TBC1D4: variants seen among roughly 807,000 people sequenced by gnomAD.
TBC1D4 encodes the protein TBC (Tre-2, BUB2, CDC16) domain-containing protein.
Under a neutral mutation model 142.5 loss-of-function variants are expected in TBC1D4, and 121 were observed. That is an observed-to-expected ratio of 0.85 (90% CI 0.73 to 0.99). The LOEUF (loss-of-function observed/expected upper bound fraction) is 0.99, where lower values mean the gene tolerates loss of function less well. Ranked by LOEUF, TBC1D4 falls within the 50% of genes least tolerant of loss-of-function variation. TBC1D4 has a pLI of 0.00. For synonymous variants in TBC1D4, 630 were observed against 628.2 expected, an observed-to-expected ratio of 1.00 and a Z score of -0.04; for missense variants, 1,475 against 1,606.6, an observed-to-expected ratio of 0.92 and a Z score of 1.40.
chr13:75,289,165 A>G (rs1875003065), intron 19 of TBC1D4, 55 bp from the exon 20 acceptor site: 3 of 1,590,814 alleles, frequency 1.9e-6, no homozygotes, highest in Non-Finnish European at 2.6e-6. Context: ...AACAAGATAC[A>G]GCCTGTTTAT....
At chr13:75,461,122 G>A (rs1484398324) in intron 1 of TBC1D4, among the ~76,000 whole-genome samples, 1 of 152,122 alleles carries the variant, frequency 6.6e-6, no homozygotes, top group Non-Finnish European at 1.5e-5. Flanking sequence ...CATTATCACT[G>A]AAGCCACTCG....
chr13:75,436,239 G>A (rs770149617), intron 1 of TBC1D4, among the ~76,000 whole-genome samples: 5 of 152,078 alleles, frequency 3.3e-5, no homozygotes, highest in African/African-American at 9.7e-5. Context: ...ATGTGGAACC[G>A]TGAGTCCATT....
At chr13:75,296,060 C>T (rs1875886208) in intron 17 of TBC1D4, among the ~76,000 whole-genome samples, 1 of 150,596 alleles carries the variant, frequency 6.6e-6, no homozygotes, top group Non-Finnish European at 1.5e-5. Context: ...AAAAACTATG[C>T]AAAAATACAA....
At chr13:75,311,920 A>C (rs2137937071) in intron 13 of TBC1D4, among the ~76,000 whole-genome samples, 1 of 152,320 alleles carries the variant, frequency 6.6e-6, no homozygotes, top group African/African-American at 2.4e-5. Context: ...GGTCAAGCTT[A>C]TTTATTTGTG....
intron 1 of TBC1D4, among the ~76,000 whole-genome samples, chr13:75,381,583 C>A (rs1435438578): frequency 6.6e-6 from 1 of 152,124 alleles, no homozygotes; most frequent in East Asian, 1.9e-4. Context: ...TTGAAATGAA[C>A]CCCCCACCTT....
intron 5 of TBC1D4, among the ~76,000 whole-genome samples, chr13:75,346,090 G>A (rs9565153): frequency 0.06 from 9,178 of 152,214 alleles, 360 homozygotes; most frequent in East Asian, 0.12. Flanking sequence ...TAAACAATGG[G>A]AAAAGACGGG....
rs1378452099 is a variant in TBC1D4 at position 75,299,402 on chromosome 13, A to G, written c.3084T>C (p.Phe1028=). The stretch of plus-strand genomic sequence containing the variant: ...CATACATGAGGAATTTCAGCATTTC[A>G]AAGGCTTGCTCTTCACTCATGTGCA... ...LLLHMSEEQA[F]EMLKFLMYDL... is the part of the protein sequence containing the mutation. Residue 1028 remains phenylalanine, a synonymous_variant, in exon 17 of 21, where the codon TTT becomes TTC. Coordinates refer to ENST00000377636, the MANE Select transcript of TBC1D4 (RefSeq NM_014832.5). 1.9e-6 allele frequency: 3 copies of G among 1,614,044 alleles called. No individual in the cohort carries two copies. Among genetic ancestry groups the G allele is most frequent in the Non-Finnish European group, 2.5e-6 (3 of 1,180,036 alleles).
rs1791323594 is a variant in TBC1D4, at chr13:75,481,862, C to T, written c.-95G>A. On this transcript the variant is annotated 5_prime_UTR_variant, in exon 1 of 21. Transcript: ENST00000377636. ...GCGCCGCCGAAACTGTGCCAACTGCCGCACCGGGCTCCCGCGCCTGCCTGG... is the reference window on the plus strand; with the variant it reads ...GCGCCGCCGAAACTGTGCCAACTGCTGCACCGGGCTCCCGCGCCTGCCTGG... 1 of 1,375,352 alleles carries T rather than the reference C, an allele frequency of 7.3e-7. No homozygotes were observed. Among genetic ancestry groups the T allele is most frequent in the Non-Finnish European group, 9.3e-7 (1 of 1,071,892 alleles). The allele number at this position is 1,375,352 out of a possible 1,614,324, so 85.2% of individuals were successfully genotyped here.
chr13:75,313,466 A>G (rs770164218), intron 12 of TBC1D4, among the ~76,000 whole-genome samples: 1 of 152,170 alleles, frequency 6.6e-6, no homozygotes, highest in Non-Finnish European at 1.5e-5. Context: ...CTAAGAAAAA[A>G]CTGGGGTCAA....
At chr13:75,321,648 T>G (rs543779815) in intron 11 of TBC1D4, among the ~76,000 whole-genome samples, 3 of 152,342 alleles carry the variant, frequency 2.0e-5, no homozygotes, top group Admixed American at 2.0e-4. Flanking sequence ...CTAGTTCAGA[T>G]AAACCTATTA....
chr13:75,290,014 C>A (rs932920634), intron 19 of TBC1D4, among the ~76,000 whole-genome samples: 2 of 152,044 alleles, frequency 1.3e-5, no homozygotes, highest in Admixed American at 6.6e-5. Flanking sequence ...ATCATCTTTT[C>A]CTTACTTAGT....
intron 13 of TBC1D4, among the ~76,000 whole-genome samples, 175 bp from the exon 14 acceptor site, chr13:75,310,326 C>T (rs1877623156): frequency 6.6e-6 from 1 of 152,166 alleles, no homozygotes; most frequent in African/African-American, 2.4e-5. Context: ...ACTGAATTCC[C>T]CTTCCAGATT....
chr13:75,381,961 ATAATATTTG>A (rs1883876473), intron 1 of TBC1D4, among the ~76,000 whole-genome samples: 2 of 152,234 alleles, frequency 1.3e-5, no homozygotes, highest in Non-Finnish European at 1.5e-5. Flanking sequence ...GAGACACAAC[ATAATATTTG>A]TAACAGCACA....
At chr13:75,471,840 C>T (rs947903557) in intron 1 of TBC1D4, among the ~76,000 whole-genome samples, 2 of 152,062 alleles carry the variant, frequency 1.3e-5, no homozygotes, top group Non-Finnish European at 2.9e-5. Context: ...GGCACTGTGG[C>T]TCACGCCTGT....
chr13:75,306,304 C>A lies in TBC1D4; in HGVS notation c.2752+9G>T. 6.2e-7 allele frequency: 1 copy of A among 1,604,448 alleles called. No individual in the cohort carries two copies. The highest frequency in any genetic ancestry group is 8.5e-7 in the Non-Finnish European group (1 of 1,177,388). On this transcript the variant is annotated intron_variant, in intron 15 of 20. Coordinates refer to ENST00000377636, the MANE Select transcript of TBC1D4 (RefSeq NM_014832.5). Reference sequence around the variant, plus strand: ...AAAAAACAAAAATTACTGAGATTATCCCAAATACCTTCTTTAAGAAGAGTA... The same window carrying A: ...AAAAAACAAAAATTACTGAGATTATACCAAATACCTTCTTTAAGAAGAGTA...
chr13:75,450,264 A>T (rs963372737), intron 1 of TBC1D4, among the ~76,000 whole-genome samples: 1 of 152,122 alleles, frequency 6.6e-6, no homozygotes, highest in Non-Finnish European at 1.5e-5. Flanking sequence ...CTTCATTATG[A>T]TGCGGTGTCA....
intron 14 of TBC1D4, among the ~76,000 whole-genome samples, chr13:75,309,466 T>C (rs1291233940): frequency 6.6e-6 from 1 of 152,138 alleles, no homozygotes; most frequent in African/African-American, 2.4e-5. Context: ...AATAGTTAAA[T>C]TGAATACAAT....
chr13:75,349,282 A>G lies in TBC1D4; in HGVS notation c.1296T>C (p.Thr432=), dbSNP rs1881414033. ...CCGCCGTACTGAAGGCCTGTTTCAG[A>G]GTCAGCATTACCTCATCAACCTACA... is the stretch of plus-strand genomic sequence containing the variant. ...SESLVDEVML[T]LKQAFSTAAA... Residue 432 remains threonine (T), a synonymous_variant, in exon 5 of 21, where the codon ACT becomes ACC. Transcript: ENST00000377636. 1 of 1,613,998 alleles carries G rather than the reference A, an allele frequency of 6.2e-7. No individual in the cohort carries two copies. The highest frequency in any genetic ancestry group is 8.5e-7 in the Non-Finnish European group (1 of 1,179,926).
At chr13:75,409,259 G>T (rs2138386461) in intron 1 of TBC1D4, among the ~76,000 whole-genome samples, 1 of 152,196 alleles carries the variant, frequency 6.6e-6, no homozygotes, top group East Asian at 1.9e-4. Context: ...GTAATGGCTG[G>T]TAATTGGCAA....
Sources: allele counts gnomAD v4.1 joint callset (sites outside exome capture counted in the v4.1 genomes callset), GRCh38; gene constraint gnomAD v4.1.1; transcripts MANE v1.5; gene names NCBI Gene and HGNC (gene_info 2026-07-23, HGNC 2026-07-21).